ZC3HAV1: variants seen among roughly 807,000 people sequenced by gnomAD.
The protein encoded by ZC3HAV1 is zinc finger CCCH-type antiviral protein 1.
ZC3HAV1 carries 41 observed loss-of-function variants against 86.6 expected under a neutral mutation model. The observed-to-expected ratio is 0.47, with a 90% CI of 0.37 to 0.61. The LOEUF is 0.61. Ranked by LOEUF, ZC3HAV1 falls within the 20% of genes least tolerant of loss-of-function variation. ZC3HAV1 has a pLI of 0.00. For missense variants in ZC3HAV1, 964 were observed against 1,141.1 expected (o/e 0.84, Z 2.24); for synonymous variants, 421 against 432.1 (o/e 0.97, Z 0.32).
At chr7:139,049,001 G>A (rs55877170) in intron 12 of ZC3HAV1, among the ~76,000 whole-genome samples, 71,794 of 151,844 alleles carry the variant, frequency 0.47, 17,168 homozygotes, top group Non-Finnish European at 0.5. Context: ...ATGTGCATAT[G>A]GTGGTTTATG....
At chr7:139,049,733 C>G (rs1816069598) in intron 12 of ZC3HAV1, 1 of 153,368 alleles carries the variant, frequency 6.5e-6, no homozygotes, top group Admixed American at 6.5e-5. Flanking sequence ...TAAGTGTGTA[C>G]AGCAAGAATT....
intron 1 of ZC3HAV1, among the ~76,000 whole-genome samples, chr7:139,091,969 C>T (rs1339910393): frequency 6.6e-6 from 1 of 152,128 alleles, no homozygotes; most frequent in Non-Finnish European, 1.5e-5. Context: ...CAAAGTTCTC[C>T]CCGCCCCCGA....
At chr7:139,053,886 G>A (rs2130666036) in intron 11 of ZC3HAV1, 79 bp downstream of exon 11, 1 of 1,488,548 alleles carries the variant, frequency 6.7e-7, no homozygotes, top group Non-Finnish European at 9.0e-7. Flanking sequence ...ATAAATCAGT[G>A]AATATAAATC....
intron 9 of ZC3HAV1, among the ~76,000 whole-genome samples, chr7:139,056,305 C>T (rs1200527388): frequency 6.6e-6 from 1 of 151,998 alleles, no homozygotes; most frequent in Non-Finnish European, 1.5e-5. Flanking sequence ...CATCAGCCAG[C>T]ATGCCAGGTT....
rs972174815 is a variant in ZC3HAV1, at chr7:139,101,031, G to A, written c.308+7993C>T. Among the ~76,000 whole-genome samples, 5 of 152,344 alleles carry A rather than the reference G, an allele frequency of 3.3e-5. No homozygotes were observed. In the Middle Eastern group the frequency reaches 0.014, roughly 415 times the overall value. ...CTGGTTTTCGTATTTTTTTGGTGGA[G>A]ACGGGGTTTCGCTGTGTTGGCCGGG... On this transcript the variant is annotated intron_variant, in intron 1 of 12. Transcript: ENST00000242351.
At chr7:139,083,077 G>A (rs571239345) in intron 3 of ZC3HAV1, among the ~76,000 whole-genome samples, 4 of 151,978 alleles carry the variant, frequency 2.6e-5, no homozygotes, top group East Asian at 1.9e-4. Flanking sequence ...AATGTTCTAC[G>A]TGTGTGTGAG....
chr7:139,100,880 C>CCTCTCCCT (rs1817735955), intron 1 of ZC3HAV1, among the ~76,000 whole-genome samples: 1 of 152,134 alleles, frequency 6.6e-6, no homozygotes, highest in Non-Finnish European at 1.5e-5. Flanking sequence ...CCACCGTCTC[C>CCTCTCCCT]CTCTGATGCG....
At chr7:139,096,957 A>G (rs1000710063) in intron 1 of ZC3HAV1, among the ~76,000 whole-genome samples, 4 of 152,010 alleles carry the variant, frequency 2.6e-5, no homozygotes, top group Non-Finnish European at 4.4e-5. Context: ...ACATGTCTCT[A>G]TTGAAAATAC....
intron 1 of ZC3HAV1, among the ~76,000 whole-genome samples, chr7:139,107,800 T>G (rs1342532605): frequency 6.6e-6 from 1 of 152,212 alleles, no homozygotes; most frequent in Admixed American, 6.5e-5. Flanking sequence ...GACAACCATT[T>G]TAAACCCTGG....
At chr7:139,068,007 G>A (rs938439007) in intron 7 of ZC3HAV1, among the ~76,000 whole-genome samples, 3 of 146,452 alleles carry the variant, frequency 2.0e-5, no homozygotes, top group Non-Finnish European at 3.0e-5. Flanking sequence ...CTGGTATAGG[G>A]AGGACCTCTT....
chr7:139,065,487 A>G (rs914873652), intron 7 of ZC3HAV1, among the ~76,000 whole-genome samples: 1 of 152,222 alleles, frequency 6.6e-6, no homozygotes, highest in African/African-American at 2.4e-5. Context: ...GCAGTGTTCA[A>G]ATATAAATAA....
At chr7:139,053,314 G>T (rs1816189598) in intron 12 of ZC3HAV1, 137 bp downstream of exon 12, 1 of 1,044,904 alleles carries the variant, frequency 9.6e-7, no homozygotes, top group Non-Finnish European at 1.3e-6. Flanking sequence ...ATTACCGTGA[G>T]CTTACTGTCT....
chr7:139,048,221 T>G lies in ZC3HAV1; in HGVS notation c.2450-368A>C, dbSNP rs1816017382. 2.6e-5 allele frequency among the ~76,000 whole-genome samples: 4 copies of G among 152,282 alleles called. No homozygotes were observed. In the South Asian group the frequency reaches 8.3e-4, roughly 32 times the overall value. On this transcript the variant is annotated intron_variant, in intron 12 of 12. Coordinates refer to ENST00000242351, the MANE Select transcript of ZC3HAV1 (RefSeq NM_020119.4). Reference sequence around the variant, plus strand: ...AGTCAGTTGATGCTTCGTCCTCAACTCTAAAACAACCTCAGATAACGATTG... The same window carrying G: ...AGTCAGTTGATGCTTCGTCCTCAACGCTAAAACAACCTCAGATAACGATTG...
chr7:139,069,740 T>C (rs752368911), intron 7 of ZC3HAV1, among the ~76,000 whole-genome samples: 1 of 152,220 alleles, frequency 6.6e-6, no homozygotes, highest in Non-Finnish European at 1.5e-5. Flanking sequence ...GAGCTCATAA[T>C]CAAAGCATAT....
chr7:139,067,113 A>G (rs1409902805), intron 7 of ZC3HAV1, among the ~76,000 whole-genome samples: 1 of 151,786 alleles, frequency 6.6e-6, no homozygotes, highest in Non-Finnish European at 1.5e-5. Context: ...GTCCTATATG[A>G]TATGTAGGGG....
chr7:139,102,684 G>C (rs1240648831), intron 1 of ZC3HAV1, among the ~76,000 whole-genome samples: 1 of 151,012 alleles, frequency 6.6e-6, no homozygotes, highest in Non-Finnish European at 1.5e-5. Flanking sequence ...TTGAGCCCAG[G>C]CACTCGAGAC....
At chr7:139,077,683 G>A (rs1436216434) in intron 5 of ZC3HAV1, among the ~76,000 whole-genome samples, 1 of 152,226 alleles carries the variant, frequency 6.6e-6, no homozygotes, top group African/African-American at 2.4e-5. Context: ...AATGCCGGCT[G>A]AAGAATGAAT....
Position 139,083,839 on chromosome 7 carries a change from T to C in ZC3HAV1, c.638A>G (p.Gln213Arg). 1 of 1,614,168 alleles carries C rather than the reference T, an allele frequency of 6.2e-7. No individual in the cohort carries two copies. Among genetic ancestry groups the C allele is most frequent in the Non-Finnish European group, 8.5e-7 (1 of 1,180,032 alleles). The part of the protein sequence containing the change: ...REHGLNPDVV[Q>R]NIQDICNSKH... ...GCTGTTGCAGATGTCCTGGATGTTC[T>C]GGACCACGTCGGGGTTCAGCCCGTG... Residue 213 changes from glutamine (Q) to arginine (R), a missense_variant, in exon 3 of 13, where the codon CAG becomes CGG. Transcript: ENST00000242351.
In ZC3HAV1 at chr7:139,045,141, A is replaced by T. The variant is rs1815921238; in HGVS notation, c.*2453T>A. Reference sequence around the variant, plus strand: ...ATTAGTTTTATTTAATTTTTAATTTATTTCTAAAATTGTGTGTAGGTGGAG... The same window carrying T: ...ATTAGTTTTATTTAATTTTTAATTTTTTTCTAAAATTGTGTGTAGGTGGAG... On this transcript the variant is annotated 3_prime_UTR_variant, in exon 13 of 13. Transcript: ENST00000242351. The T allele has an allele frequency of 6.6e-6, 1 of 152,102 alleles. No homozygotes were observed. The allele number at this position is 152,102 out of a possible 1,614,324, so 9.4% of individuals were successfully genotyped here. A position where few individuals can be genotyped will look rare whatever the true frequency, so the allele number is the denominator to read the frequency against.
Sources: allele counts gnomAD v4.1 joint callset (sites outside exome capture counted in the v4.1 genomes callset), GRCh38; gene constraint gnomAD v4.1.1; transcripts MANE v1.5; gene names NCBI Gene and HGNC (gene_info 2026-07-23, HGNC 2026-07-21).